Variants in GLB1L3 observed in about 807,000 individuals in gnomAD.
GLB1L3 encodes the protein beta-galactosidase-1-like protein 3.
In GLB1L3, 89 loss-of-function variants were observed where a neutral mutation model predicts 89.5. That is an observed-to-expected ratio of 0.99 (90% CI 0.84 to 1.19). The LOEUF (loss-of-function observed/expected upper bound fraction) is 1.19, where lower values mean the gene tolerates loss of function less well. Ranked by LOEUF, GLB1L3 falls within the 50% of genes most tolerant of loss-of-function variation. The pLI is 0.00. For synonymous variants in GLB1L3, 314 were observed against 312.3 expected (o/e 1.01, Z -0.06); for missense variants, 812 against 813.3 (o/e 1.00, Z 0.02).
At chr11:134,302,064 G>A (rs1308535783) in intron 9 of GLB1L3, among the ~76,000 whole-genome samples, 1 of 152,002 alleles carries the variant, frequency 6.6e-6, no homozygotes, top group African/African-American at 2.4e-5. Context: ...TGGCCTGCTG[G>A]CAGCACCTTC....
At chr11:134,310,316 T>C (rs1322011514) in intron 11 of GLB1L3, 6 of 522,746 alleles carry the variant, frequency 1.1e-5, no homozygotes, top group Non-Finnish European at 1.7e-5. Flanking sequence ...GAGCTGTGGG[T>C]TGAACAAGTT....
Position 134,276,715 on chromosome 11 carries a change from A to G in GLB1L3, c.-26A>G. 3 of 1,440,714 alleles carry G rather than the reference A, an allele frequency of 2.1e-6. No individual in the cohort carries two copies. Among genetic ancestry groups the G allele is most frequent in the South Asian group, 2.7e-5 (2 of 73,050 alleles). 89.2% of individuals were successfully genotyped at this position (1,440,714 alleles called of 1,614,324 possible). ...CGGAGAGGGGCGGAAGCCGCAAGGGACCCTCGGCGCCTCGGCCTGGCCGCG... is the reference window on the plus strand; with the variant it reads ...CGGAGAGGGGCGGAAGCCGCAAGGGGCCCTCGGCGCCTCGGCCTGGCCGCG... On this transcript the variant is annotated 5_prime_UTR_variant, in exon 1 of 20. Coordinates refer to ENST00000431683, the MANE Select transcript of GLB1L3 (RefSeq NM_001080407.3).
downstream of GLB1L3, among the ~76,000 whole-genome samples, chr11:134,322,209 T>A (rs1406052185): frequency 6.6e-6 from 1 of 152,204 alleles, no homozygotes; most frequent in Non-Finnish European, 1.5e-5. Flanking sequence ...AAGGTGTTAC[T>A]AGGTATAGAG....
At chr11:134,308,021 GAAA>G (rs925315427) in intron 10 of GLB1L3, among the ~76,000 whole-genome samples, 3 of 151,830 alleles carry the variant, frequency 2.0e-5, no homozygotes, top group South Asian at 2.1e-4. Flanking sequence ...TTGAAAAATA[GAAA>G]AAAAGTCAAA....
chr11:134,284,682 T>G (rs1016683477), intron 6 of GLB1L3, among the ~76,000 whole-genome samples: 1 of 151,842 alleles, frequency 6.6e-6, no homozygotes, highest in African/African-American at 2.4e-5. Flanking sequence ...TGAGACAAGA[T>G]CATGCCGCCA....
rs558850604 is a variant in GLB1L3 at position 134,297,256 on chromosome 11, C to A, written c.876+4047C>A. ...TCTTTATCCTTTTGCTTTTTATATA[C>A]CTTAACATCTGTATTTAAAATGGAT... On this transcript the variant is annotated intron_variant, in intron 9 of 19. Transcript: ENST00000431683. 2.0e-5 allele frequency among the ~76,000 whole-genome samples: 3 copies of A among 152,102 alleles called. No individual in the cohort carries two copies. The East Asian group carries it at 5.8e-4, about 29-fold the overall frequency.
At chr11:134,312,648 T>C (rs1190103544) in intron 14 of GLB1L3, among the ~76,000 whole-genome samples, 159 bp downstream of exon 14, 2 of 152,158 alleles carry the variant, frequency 1.3e-5, no homozygotes, top group East Asian at 1.9e-4. Flanking sequence ...TGCTTTCTGC[T>C]TTATCACCAC....
intron 8 of GLB1L3, chr11:134,292,578 G>A (rs1941413609): frequency 4.6e-6 from 1 of 219,386 alleles, no homozygotes; most frequent in African/African-American, 2.3e-5. Flanking sequence ...GGGAGAACCA[G>A]AAGATGGGTG....
intron 9 of GLB1L3, 145 bp downstream of exon 9, chr11:134,293,354 G>C: frequency 1.5e-6 from 1 of 671,200 alleles, no homozygotes. Flanking sequence ...AAGCCATTTT[G>C]GGAGCCTTTT....
Position 134,312,832 on chromosome 11 carries a change from CAA to C in GLB1L3, c.1446_1447del (p.Met483AspfsTer6), listed in dbSNP as rs541723514. 11 of 1,611,896 alleles carry C rather than the reference CAA, an allele frequency of 6.8e-6. No individual in the cohort carries two copies. The highest frequency in any genetic ancestry group is 3.3e-5 in the South Asian group (3 of 90,510). On this transcript the variant is annotated frameshift_variant, in exon 15 of 20. Transcript: ENST00000431683. LOFTEE classifies it high-confidence loss of function. ...CTTTTGCAGGTGTTTTTGGATGAGA[CAA>C]TGATAGGGATTCTGAATGAGAATAA... is the stretch of plus-strand genomic sequence containing the variant.
chr11:134,286,542 T>C (rs528385), intron 6 of GLB1L3, among the ~76,000 whole-genome samples: 142,988 of 151,710 alleles, frequency 0.94, 67,663 homozygotes, highest in Non-Finnish European at 0.99. Flanking sequence ...TTTGGGAGGC[T>C]GAGGCGGGTG....
downstream of GLB1L3, among the ~76,000 whole-genome samples, chr11:134,321,410 TAAAG>T (rs909788002): frequency 3.3e-5 from 5 of 151,932 alleles, no homozygotes; most frequent in South Asian, 2.1e-4. Context: ...TAGTAGAAGA[TAAAG>T]AAGTAGAAAA....
At chr11:134,290,004 A>C (rs373782099) in intron 7 of GLB1L3, among the ~76,000 whole-genome samples, 27 of 152,230 alleles carry the variant, frequency 1.8e-4, no homozygotes, top group African/African-American at 6.3e-4. Context: ...CGGGAAGGAG[A>C]GGGGTCCCCA....
chr11:134,281,207 C>G (rs1056800472), intron 3 of GLB1L3, among the ~76,000 whole-genome samples, 170 bp from the exon 4 acceptor site: 11 of 152,180 alleles, frequency 7.2e-5, no homozygotes, highest in African/African-American at 2.4e-4. Context: ...GAGCAAGGAA[C>G]TATTAAAGAT....
intron 9 of GLB1L3, among the ~76,000 whole-genome samples, chr11:134,300,677 C>T (rs1158983106): frequency 6.6e-6 from 1 of 152,060 alleles, no homozygotes; most frequent in Non-Finnish European, 1.5e-5. Flanking sequence ...GGCTGTTCTC[C>T]TCTGAGGCCT....
intron 14 of GLB1L3, 86 bp from the exon 15 acceptor site, chr11:134,312,730 C>A: frequency 1.7e-6 from 2 of 1,148,800 alleles, no homozygotes; most frequent in Non-Finnish European, 2.6e-6. Context: ...TGCCTTCATA[C>A]TGACCTCCTT....
At position 134,307,737 on chromosome 11, in the gene GLB1L3, C is replaced by T. The variant is rs56816739; in HGVS notation, c.961+529C>T. 8.7e-3 allele frequency among the ~76,000 whole-genome samples: 1,331 copies of T among 152,292 alleles called. 20 individuals carry two copies. Among genetic ancestry groups the T allele is most frequent in the African/African-American group, 0.03 (1,239 of 41,556 alleles). ...TCAGGTTTTAATCTCAGCTCTGCAG[C>T]GCTAGCCATGCGCTAGCTTCATGCA... On this transcript the variant is annotated intron_variant, in intron 10 of 19. Transcript: ENST00000431683.
chr11:134,281,471 C>G (rs11223744), intron 4 of GLB1L3, 26 bp downstream of exon 4: 1 of 1,445,248 alleles, frequency 6.9e-7, no homozygotes, highest in Non-Finnish European at 9.6e-7. Flanking sequence ...GCTTCTGTGC[C>G]CTGGTCAGGG....
At chr11:134,281,287 C>G in intron 3 of GLB1L3, 90 bp from the exon 4 acceptor site, 1 of 1,417,414 alleles carries the variant, frequency 7.1e-7, no homozygotes, top group Non-Finnish European at 1.0e-6. Flanking sequence ...TAGAGCTATG[C>G]ATGGTTTTGG....
Sources: allele counts gnomAD v4.1 joint callset (sites outside exome capture counted in the v4.1 genomes callset), GRCh38; gene constraint gnomAD v4.1.1; transcripts MANE v1.5; gene names NCBI Gene and HGNC (gene_info 2026-07-23, HGNC 2026-07-21).